The following NECTIN1 variants were observed in gnomAD, a reference collection of about 807,000 sequenced individuals.
The protein encoded by NECTIN1 is nectin cell adhesion molecule 1, also known as nectin-1.
A neutral mutation model predicts 48.0 loss-of-function variants in NECTIN1; 23 were observed. That is an observed-to-expected ratio of 0.48 (90% CI 0.34 to 0.68). The LOEUF is 0.68. Among genes scored for constraint, NECTIN1 ranks in the 30% least tolerant of loss-of-function variants. The pLI is 0.01. For synonymous variants in NECTIN1, 270 were observed against 288.9 expected (o/e 0.93, Z 0.66); for missense variants, 591 against 709.9 (o/e 0.83, Z 1.90).
At chr11:119,654,141 T>G (rs1161628223) in intron 5 of NECTIN1, 1 of 151,992 alleles carries the variant, frequency 6.6e-6, no homozygotes, top group Non-Finnish European at 1.5e-5. Flanking sequence ...TGCATGAAAA[T>G]TACATTTGGG....
At chr11:119,692,679 A>C (rs1259355911) in intron 1 of NECTIN1, among the ~76,000 whole-genome samples, 1 of 152,220 alleles carries the variant, frequency 6.6e-6, no homozygotes, top group East Asian at 1.9e-4. Flanking sequence ...TACATACATT[A>C]ATTCACTTAA....
At chr11:119,693,135 C>A (rs1865288840) in intron 1 of NECTIN1, among the ~76,000 whole-genome samples, 2 of 152,198 alleles carry the variant, frequency 1.3e-5, no homozygotes, top group Non-Finnish European at 1.5e-5. Flanking sequence ...GAAAAGCCCC[C>A]ATTCTTCCCC....
At position 119,661,980 on chromosome 11, in the gene NECTIN1, C is replaced by T; in HGVS notation, c.*2767G>A. ...CTGTGCTGCTGCTTTTCAGACCCTT[C>T]TGATAAAAGGGGACTCGGCTGGTTC... On this transcript the variant is annotated 3_prime_UTR_variant, in exon 6 of 6. Transcript: ENST00000264025. 2 of 985,230 alleles carry T rather than the reference C, an allele frequency of 2.0e-6. No individual in the cohort carries two copies. The highest frequency in any genetic ancestry group is 1.2e-6 in the Non-Finnish European group (1 of 829,918). The allele number at this position is 985,230 out of a possible 1,614,324, so 61.0% of individuals were successfully genotyped here.
rs1864733827 is a variant in NECTIN1 at position 119,664,878 on chromosome 11, CG to C, written c.1422del (p.Glu475ArgfsTer123). The C allele has an allele frequency of 6.2e-7, 1 of 1,613,932 alleles. No homozygotes were observed. The highest frequency in any genetic ancestry group is 1.7e-5 in the Admixed American group (1 of 59,990). ...AKRPYFTVDE[A>X]EARQDGYGDR... is the part of the protein sequence containing the mutation. ...TCCCCGTAGCCGTCCTGACGGGCCT[CG>C]GCCTCATCCACGGTGAAGTAGGGCC... On this transcript the variant is annotated frameshift_variant, in exon 6 of 6. Transcript: ENST00000264025. LOFTEE classifies it high-confidence loss of function.
rs1474394300 is a variant in NECTIN1 at position 119,672,576 on chromosome 11, G to A, written c.1003+2583C>T. Among the ~76,000 whole-genome samples, 1 of 152,188 alleles carries A rather than the reference G, an allele frequency of 6.6e-6. No individual in the cohort carries two copies. The highest frequency in any genetic ancestry group is 1.5e-5 in the Non-Finnish European group (1 of 68,024). ...TCCCACTAGGGACTCACTCATGGTG[G>A]CAGCTCCTAACGGGTGTGCCGGTGC... On this transcript the variant is annotated intron_variant, in intron 5 of 5. Transcript: ENST00000264025. The surrounding 1 kb of genome is among the most constrained non-coding windows in gnomAD (Gnocchi z 4.3).
intron 1 of NECTIN1, among the ~76,000 whole-genome samples, chr11:119,682,669 A>C (rs370918845): frequency 3.9e-4 from 60 of 152,328 alleles, no homozygotes; most frequent in African/African-American, 1.4e-3. Context: ...AAACTGCGTA[A>C]GGATTAAAAG....
In NECTIN1 at chr11:119,665,330, T is replaced by C. The variant is rs1318666175; in HGVS notation, c.1004-33A>G. 1.3e-6 allele frequency: 2 copies of C among 1,523,452 alleles called. No individual in the cohort carries two copies. Among genetic ancestry groups the C allele is most frequent in the African/African-American group, 1.4e-5 (1 of 72,884 alleles). 94.4% of individuals were successfully genotyped at this position (1,523,452 alleles called of 1,614,324 possible). ...AGGAAAAGAGATGGAGGGGACAGCA[T>C]CAGCGTGTGCTCCTGGGGTGTAGAG... On this transcript the variant is annotated intron_variant, in intron 5 of 5. Coordinates refer to ENST00000264025, the MANE Select transcript of NECTIN1 (RefSeq NM_002855.5). The surrounding 1 kb of genome is among the most constrained non-coding windows in gnomAD (Gnocchi z 5.1).
rs1170594979 is a variant in NECTIN1, at chr11:119,663,985, G to C, written c.*762C>G. ...GTGTGCACGTGTCAGCAGAGGCAGA[G>C]AGCAAGTGTGGGCTGGAGCCCACCT... On this transcript the variant is annotated 3_prime_UTR_variant, in exon 6 of 6. Coordinates refer to ENST00000264025, the MANE Select transcript of NECTIN1 (RefSeq NM_002855.5). 4.1e-6 allele frequency: 4 copies of C among 986,162 alleles called. No individual in the cohort carries two copies. The highest frequency in any genetic ancestry group is 2.3e-4 in the East Asian group (2 of 8,846). 61.1% of individuals were successfully genotyped at this position (986,162 alleles called of 1,614,324 possible).
At chr11:119,669,971 T>A (rs1163982472) in intron 5 of NECTIN1, among the ~76,000 whole-genome samples, 1 of 151,946 alleles carries the variant, frequency 6.6e-6, no homozygotes, top group East Asian at 1.9e-4. Flanking sequence ...ACTTTTTTTT[T>A]TTTTTTGAGA....
chr11:119,720,874 GGGGTGGGACTA>G (rs796554718), intron 1 of NECTIN1, among the ~76,000 whole-genome samples: 18 of 152,314 alleles, frequency 1.2e-4, no homozygotes, highest in African/African-American at 4.3e-4. Flanking sequence ...GAGCTGGGGA[GGGGTGGGACTA>G]GGAAGCCCCT....
intron 1 of NECTIN1, among the ~76,000 whole-genome samples, chr11:119,679,708 G>A (rs1282108956): frequency 1.3e-5 from 2 of 152,002 alleles, no homozygotes; most frequent in African/African-American, 4.8e-5. Context: ...GATCTAGTGT[G>A]AGCATTTGGG....
At chr11:119,691,069 C>T (rs1865244011) in intron 1 of NECTIN1, among the ~76,000 whole-genome samples, 1 of 152,172 alleles carries the variant, frequency 6.6e-6, no homozygotes, top group African/African-American at 2.4e-5. Flanking sequence ...TACCCCAACT[C>T]AATGTGCTTG....
rs1269555829 is a variant in NECTIN1, at chr11:119,662,279, C to T, written c.*2468G>A. 1.0e-6 allele frequency: 1 copy of T among 985,608 alleles called. No homozygotes were observed. Among genetic ancestry groups the T allele is most frequent in the East Asian group, 1.1e-4 (1 of 8,804 alleles). The allele number at this position is 985,608 out of a possible 1,614,324, so 61.1% of individuals were successfully genotyped here. The stretch of plus-strand genomic sequence containing the variant: ...TGGGCCCAGCAGTAGTGCCCACCTT[C>T]CCACAAACTTGGGGCACAGAAAACC... On this transcript the variant is annotated 3_prime_UTR_variant, in exon 6 of 6. Coordinates refer to ENST00000264025, the MANE Select transcript of NECTIN1 (RefSeq NM_002855.5). The surrounding 1 kb of genome is among the most constrained non-coding windows in gnomAD (Gnocchi z 5.3).
chr11:119,728,444 G>C (rs910846938), intron 1 of NECTIN1, 31 bp downstream of exon 1: 5 of 1,567,454 alleles, frequency 3.2e-6, no homozygotes, highest in South Asian at 1.2e-5. Flanking sequence ...CATTGGATGG[G>C]GGTGGGGACA....
chr11:119,718,042 G>A (rs545882601), intron 1 of NECTIN1, among the ~76,000 whole-genome samples: 4 of 152,338 alleles, frequency 2.6e-5, no homozygotes, highest in South Asian at 4.1e-4. Context: ...CTTTGGCGTC[G>A]ACACAGATCA....
rs137909701 is a variant in NECTIN1 at position 119,664,967 on chromosome 11, C to CCCTCCT, written c.1328_1333dup (p.Glu443_Glu444dup). 6,499 of 1,610,616 alleles carry CCCTCCT rather than the reference C, an allele frequency of 4.0e-3. 11 individuals are homozygous for CCCTCCT. Among genetic ancestry groups the CCCTCCT allele is most frequent in the Non-Finnish European group, 4.8e-3 (5,624 of 1,177,658 alleles). ...CACCTTGCGCTCGCCCCCTCCACCG[C>CCCTCCT]CCTCCTCCTCCTCCTCCTCCTCCTC... On this transcript the variant is annotated inframe_insertion, in exon 6 of 6. Transcript: ENST00000264025.
chr11:119,693,231 C>T (rs1865290989), intron 1 of NECTIN1, among the ~76,000 whole-genome samples: 1 of 152,218 alleles, frequency 6.6e-6, no homozygotes, highest in African/African-American at 2.4e-5. Context: ...GTCTCTCTCT[C>T]TCTGCCCCTC....
intron 5 of NECTIN1, chr11:119,640,077 G>A: frequency 6.7e-7 from 1 of 1,485,410 alleles, no homozygotes; most frequent in East Asian, 2.4e-5. Context: ...GAGAGTCAGA[G>A]ATGTGAGAGA....
At chr11:119,696,911 C>T (rs1357337902) in intron 1 of NECTIN1, among the ~76,000 whole-genome samples, 26 of 152,142 alleles carry the variant, frequency 1.7e-4, no homozygotes, top group African/African-American at 2.4e-5. Flanking sequence ...GATAGCCGCG[C>T]GATGTCACCT....
Sources: allele counts gnomAD v4.1 joint callset (sites outside exome capture counted in the v4.1 genomes callset), GRCh38; gene constraint gnomAD v4.1.1; non-coding constraint Gnocchi (gnomAD v3.1); transcripts MANE v1.5; gene names NCBI Gene and HGNC (gene_info 2026-07-23, HGNC 2026-07-21).